Variants in SLC38A8 observed in about 807,000 individuals in gnomAD.
SLC38A8 encodes amino acid transporter SLC38A8.
SLC38A8 carries 65 observed loss-of-function variants against 46.0 expected under a neutral mutation model. The ratio of observed to expected loss-of-function variants is 1.41; its 90% CI spans 1.16 to 1.74. The LOEUF (loss-of-function observed/expected upper bound fraction) is 1.74, where lower values mean the gene tolerates loss of function less well. Among genes scored for constraint, SLC38A8 ranks in the 40% most tolerant of loss-of-function variants. The probability of loss-of-function intolerance (pLI) is 0.00; values close to 1 mark genes in which losing one functional copy is unlikely to be tolerated. For missense variants in SLC38A8, 998 were observed against 567.9 expected (o/e 1.76, Z -7.70); for synonymous variants, 447 against 243.7 (o/e 1.83, Z -7.77).
At chr16:84,028,766 G>A (rs1444794125) in intron 6 of SLC38A8, among the ~76,000 whole-genome samples, 1 of 150,980 alleles carries the variant, frequency 6.6e-6, no homozygotes, top group East Asian at 2.0e-4. Context: ...TGTGCCTGGG[G>A]CCCGCTCACA....
At chr16:84,013,717 C>T (rs1407680472) in intron 9 of SLC38A8, among the ~76,000 whole-genome samples, 3 of 149,678 alleles carry the variant, frequency 2.0e-5, no homozygotes, top group Non-Finnish European at 4.4e-5. Context: ...GCATGAGCCA[C>T]TGCACCCAGC....
chr16:84,026,775 G>C (rs1007476688), intron 6 of SLC38A8, among the ~76,000 whole-genome samples: 6 of 152,226 alleles, frequency 3.9e-5, no homozygotes, highest in Non-Finnish European at 8.8e-5. Flanking sequence ...ACACGGCGGG[G>C]GAGGGAAGCC....
chr16:84,026,200 G>C (rs991070842), intron 6 of SLC38A8, among the ~76,000 whole-genome samples: 2 of 152,106 alleles, frequency 1.3e-5, no homozygotes, highest in Admixed American at 6.5e-5. Flanking sequence ...TTTTCTCCCT[G>C]TTTGACTCCG....
chr16:84,012,928 C>A (rs948354315), intron 10 of SLC38A8, 73 bp downstream of exon 10: 153 of 1,514,214 alleles, frequency 1.0e-4, no homozygotes, highest in Non-Finnish European at 1.4e-4. Flanking sequence ...ATAGGATCTG[C>A]AGGGTCCCCT....
At chr16:84,037,761 A>G (rs1442794101) in intron 2 of SLC38A8, among the ~76,000 whole-genome samples, 2 of 112,334 alleles carry the variant, frequency 1.8e-5, no homozygotes, top group South Asian at 2.8e-4. Context: ...ACTGCCTCCG[A>G]AAAAAAAAAA....
chr16:84,014,363 G>A (rs1212672158), intron 9 of SLC38A8, among the ~76,000 whole-genome samples: 1 of 150,950 alleles, frequency 6.6e-6, no homozygotes, highest in Non-Finnish European at 1.5e-5. Context: ...ACTGAGGGAG[G>A]AGTCGTGTGG....
intron 2 of SLC38A8, among the ~76,000 whole-genome samples, chr16:84,037,398 G>C (rs1335562377): frequency 6.6e-6 from 1 of 152,038 alleles, no homozygotes; most frequent in Non-Finnish European, 1.5e-5. Flanking sequence ...CCTTGCAGGG[G>C]TGCTGCTATG....
chr16:84,035,496 C>A (rs1207368603), intron 3 of SLC38A8, among the ~76,000 whole-genome samples: 1 of 152,150 alleles, frequency 6.6e-6, no homozygotes, highest in Admixed American at 6.5e-5. Context: ...CTGAGACTGT[C>A]AAGTTGGATA....
In SLC38A8 at chr16:84,035,239, G is replaced by C. The variant is rs577133756; in HGVS notation, c.388+1463C>G. On this transcript the variant is annotated intron_variant, in intron 3 of 10. Coordinates refer to ENST00000299709, the MANE Select transcript of SLC38A8 (RefSeq NM_001080442.3). ...GACGAACTCTACTTGCCACTGTGGG[G>C]GAGCAGGACGTTTTTGTGCCCACTT... Among the ~76,000 whole-genome samples, 7 of 152,276 alleles carry C rather than the reference G, an allele frequency of 4.6e-5. No individual in the cohort carries two copies. In the South Asian group the frequency reaches 1.5e-3, roughly 32 times the overall value.
At chr16:84,036,646 G>C (rs2085302280) in intron 3 of SLC38A8, 56 bp downstream of exon 3, 11 of 1,594,798 alleles carry the variant, frequency 6.9e-6, no homozygotes, top group South Asian at 4.5e-5. Flanking sequence ...GAAACTCCAA[G>C]AGGTCATTAG....
rs543066846 is a variant in SLC38A8, at chr16:84,017,069, G to A, written c.953+71C>T. On this transcript the variant is annotated intron_variant, in intron 8 of 10. Coordinates refer to ENST00000299709, the MANE Select transcript of SLC38A8 (RefSeq NM_001080442.3). The stretch of plus-strand genomic sequence containing the variant: ...TCCCACAGCCGCGTAGCCCACACCT[G>A]GTACATGCTCAATCACAGCACACAT... The A allele has an allele frequency of 2.6e-5, 41 of 1,579,574 alleles. No homozygotes were observed. The African/African-American group carries it at 4.3e-4, about 17-fold the overall frequency.
chr16:84,013,419 T>A (rs1221700807), intron 9 of SLC38A8, among the ~76,000 whole-genome samples: 1 of 101,234 alleles, frequency 9.9e-6, no homozygotes, highest in Non-Finnish European at 1.8e-5. Context: ...TTTTGTTGTG[T>A]GTGTGTTTTT....
At chr16:84,038,896 C>T (rs2085334138) in intron 2 of SLC38A8, among the ~76,000 whole-genome samples, 1 of 152,236 alleles carries the variant, frequency 6.6e-6, no homozygotes, top group Admixed American at 6.5e-5. Context: ...ATTAGCTGAG[C>T]ATGGTGGTCG....
intron 3 of SLC38A8, 144 bp downstream of exon 3, chr16:84,036,558 A>G: frequency 3.3e-6 from 3 of 906,288 alleles, no homozygotes; most frequent in East Asian, 2.7e-5. Context: ...CTTCCCTACC[A>G]TGTTAGGAAC....
intron 3 of SLC38A8, among the ~76,000 whole-genome samples, chr16:84,036,460 G>C (rs2085300100): frequency 1.3e-5 from 2 of 152,236 alleles, no homozygotes; most frequent in African/African-American, 2.4e-5. Context: ...TATCTCCACT[G>C]GATATCCTAA....
intron 7 of SLC38A8, among the ~76,000 whole-genome samples, chr16:84,017,630 C>A (rs889748212): frequency 3.3e-5 from 5 of 152,196 alleles, no homozygotes; most frequent in African/African-American, 1.2e-4. Flanking sequence ...CTCACTCCTA[C>A]GACATCTAAA....
chr16:84,013,422 GTGTT>G lies in SLC38A8; in HGVS notation c.1163-374_1163-371del, dbSNP rs1404765340. On this transcript the variant is annotated intron_variant, in intron 9 of 10. Transcript: ENST00000299709. Reference sequence around the variant, plus strand: ...ACCATTACTTTCTTTTGTTGTGTGTGTGTTTTTTTTTTTTTTTTTTTTTTTTTGA... The same window carrying G: ...ACCATTACTTTCTTTTGTTGTGTGTGTTTTTTTTTTTTTTTTTTTTTTTGA... Among the ~76,000 whole-genome samples, 494 of 108,524 alleles carry G rather than the reference GTGTT, an allele frequency of 4.6e-3. 4 individuals are homozygous for G. Among genetic ancestry groups the G allele is most frequent in the African/African-American group, 0.019 (452 of 24,352 alleles). 71.2% of individuals were successfully genotyped at this position (108,524 alleles called of 152,430 possible). A position where few individuals can be genotyped will look rare whatever the true frequency, so the allele number is the denominator to read the frequency against.
rs535690305 is a variant in SLC38A8 at position 84,017,836 on chromosome 16, T to C, written c.806-549A>G. Among the ~76,000 whole-genome samples the C allele has an allele frequency of 3.9e-5, 6 of 152,274 alleles. No individual in the cohort carries two copies. The South Asian group carries it at 1.2e-3, about 32-fold the overall frequency. ...CTGAGAGATAGGTCTCTAAGAGCCA[T>C]GTTCCTTTCAGCTTCTCTGCAAGCC... is the stretch of plus-strand genomic sequence containing the variant. On this transcript the variant is annotated intron_variant, in intron 7 of 10. Transcript: ENST00000299709.
chr16:84,011,207 G>A (rs755296398), intron 10 of SLC38A8, among the ~76,000 whole-genome samples: 12 of 152,192 alleles, frequency 7.9e-5, no homozygotes, highest in Non-Finnish European at 1.5e-4. Flanking sequence ...GAGCAGCGCT[G>A]ATGTATTAGA....
Sources: gnomAD v4.1 joint callset for allele counts (sites outside exome capture counted in the v4.1 genomes callset) on GRCh38, gnomAD v4.1.1 for gene constraint, MANE v1.5 for transcripts, NCBI Gene and HGNC (gene_info 2026-07-23, HGNC 2026-07-21) for gene names.